Variants in VPS13B observed in about 807,000 individuals in gnomAD.
VPS13B encodes the protein vacuolar protein sorting 13 homolog B, also known as intermembrane lipid transfer protein VPS13B.
A neutral mutation model predicts 426.4 loss-of-function variants in VPS13B; 285 were observed. The ratio of observed to expected loss-of-function variants is 0.67; its 90% confidence interval spans 0.61 to 0.74. The LOEUF (loss-of-function observed/expected upper bound fraction) is 0.74, where lower values mean the gene tolerates loss of function less well. Ranked by LOEUF, VPS13B falls within the 30% of genes least tolerant of loss-of-function variation. The pLI, the probability that VPS13B is intolerant of heterozygous loss-of-function variation, is 0.00. For synonymous variants in VPS13B, 1,676 were observed against 1,676.4 expected (o/e 1.00, Z 0.01); for missense variants, 4,537 against 4,782.6 (o/e 0.95, Z 1.51).
intron 3 of VPS13B, among the ~76,000 whole-genome samples, chr8:99,046,490 AC>A (rs2132248321): frequency 6.6e-6 from 1 of 152,208 alleles, no homozygotes; most frequent in East Asian, 1.9e-4. Flanking sequence ...GATATCATCA[AC>A]AAACAGTGAC....
intron 19 of VPS13B, among the ~76,000 whole-genome samples, chr8:99,350,035 G>A (rs563334204): frequency 6.6e-6 from 1 of 152,178 alleles, no homozygotes; most frequent in East Asian, 1.9e-4. Context: ...AGATTATACA[G>A]TCAGAGGTTC....
At chr8:99,263,393 A>G (rs1377539184) in intron 17 of VPS13B, among the ~76,000 whole-genome samples, 1 of 152,208 alleles carries the variant, frequency 6.6e-6, no homozygotes, top group African/African-American at 2.4e-5. Context: ...ACAAATTACC[A>G]TAAACTTAGT....
intron 53 of VPS13B, 66 bp downstream of exon 53, chr8:99,835,390 A>C (rs1815336192): frequency 1.3e-6 from 2 of 1,552,092 alleles, no homozygotes; most frequent in Non-Finnish European, 1.8e-6. Flanking sequence ...TTTTTGATTT[A>C]GTAGTTACCT....
chr8:99,058,420 TAA>T (rs1844000349), intron 3 of VPS13B, among the ~76,000 whole-genome samples: 1 of 151,598 alleles, frequency 6.6e-6, no homozygotes, highest in African/African-American at 2.4e-5. Context: ...TATTTAAAAA[TAA>T]GTCATAAAAT....
intron 50 of VPS13B, among the ~76,000 whole-genome samples, chr8:99,823,311 C>T (rs1186754275): frequency 1.3e-5 from 2 of 152,180 alleles, no homozygotes; most frequent in African/African-American, 2.4e-5. Context: ...GTATACAGCA[C>T]TTGAAACTAG....
intron 30 of VPS13B, among the ~76,000 whole-genome samples, chr8:99,533,496 A>G (rs1004726289): frequency 2.6e-5 from 4 of 152,184 alleles, no homozygotes; most frequent in African/African-American, 9.6e-5. Flanking sequence ...TAATGTTCCC[A>G]ATATGAAGTA....
At chr8:99,780,009 T>A (rs1307774243) in intron 42 of VPS13B, among the ~76,000 whole-genome samples, 1 of 152,218 alleles carries the variant, frequency 6.6e-6, no homozygotes, top group East Asian at 1.9e-4. Context: ...TTTCTTTATA[T>A]GCATGAAGAC....
chr8:99,867,860 TAGAA>T (rs1256193328), intron 58 of VPS13B, among the ~76,000 whole-genome samples: 1 of 152,224 alleles, frequency 6.6e-6, no homozygotes, highest in African/African-American at 2.4e-5. Context: ...AGTGGAGAGT[TAGAA>T]AGGGGCTAAC....
At chr8:99,184,862 G>A (rs968157567) in intron 16 of VPS13B, among the ~76,000 whole-genome samples, 10 of 152,128 alleles carry the variant, frequency 6.6e-5, no homozygotes, top group African/African-American at 1.9e-4. Context: ...GCAGTGGCAC[G>A]CTCCTGTAAT....
chr8:99,397,016 T>C (rs1354243615), intron 21 of VPS13B, among the ~76,000 whole-genome samples: 2 of 152,066 alleles, frequency 1.3e-5, no homozygotes, highest in African/African-American at 2.4e-5. Context: ...ATATGAAAAA[T>C]CTTGAAATCT....
In VPS13B at chr8:99,457,176, C is replaced by T. The variant is rs535935492; in HGVS notation, c.3446-10238C>T. 4.6e-5 allele frequency among the ~76,000 whole-genome samples: 7 copies of T among 152,018 alleles called. No homozygotes were observed. The South Asian group carries it at 8.3e-4, about 18-fold the overall frequency. ...CCTCCTGAGTAGCCACGATCACAGG[C>T]GCCCACCAACATGCCCGGCTAACAT... On this transcript the variant is annotated intron_variant, in intron 23 of 61. Transcript: ENST00000357162.
At chr8:99,566,023 C>T (rs2133787087) in intron 31 of VPS13B, among the ~76,000 whole-genome samples, 1 of 152,172 alleles carries the variant, frequency 6.6e-6, no homozygotes, top group Middle Eastern at 3.4e-3. Flanking sequence ...TAAAAAGTTC[C>T]TGGAAAGTGA....
At chr8:99,115,580 A>T in intron 6 of VPS13B, 120 bp from the exon 7 acceptor site, 1 of 1,004,896 alleles carries the variant, frequency 1.0e-6, no homozygotes, top group Non-Finnish European at 1.5e-6. Context: ...TTTAAGTATT[A>T]AAATGTTTGG....
chr8:99,574,912 C>A (rs1401685246), intron 31 of VPS13B, among the ~76,000 whole-genome samples: 2 of 152,116 alleles, frequency 1.3e-5, no homozygotes, highest in African/African-American at 4.8e-5. Flanking sequence ...ACTTGTAATC[C>A]CAGCACTTTG....
chr8:99,719,364 G>A (rs1833046857), intron 37 of VPS13B, among the ~76,000 whole-genome samples: 1 of 152,156 alleles, frequency 6.6e-6, no homozygotes, highest in South Asian at 2.1e-4. Flanking sequence ...CTTTTCACCT[G>A]TCTCTATTTT....
At chr8:99,740,915 C>A (rs1422539410) in intron 39 of VPS13B, among the ~76,000 whole-genome samples, 1 of 152,116 alleles carries the variant, frequency 6.6e-6, no homozygotes, top group Non-Finnish European at 1.5e-5. Flanking sequence ...ACTGCATCAA[C>A]TAACAAGCAA....
chr8:99,100,063 C>G (rs1846646690), intron 4 of VPS13B, among the ~76,000 whole-genome samples: 1 of 152,106 alleles, frequency 6.6e-6, no homozygotes, highest in Non-Finnish European at 1.5e-5. Flanking sequence ...TTGACACTAT[C>G]TTGTACCTTG....
chr8:99,213,501 C>T (rs1323917979), intron 17 of VPS13B, among the ~76,000 whole-genome samples: 2 of 151,976 alleles, frequency 1.3e-5, no homozygotes, highest in African/African-American at 4.8e-5. Flanking sequence ...TTTTTAGATC[C>T]TTTTATATAA....
At chr8:99,800,365 A>G (rs1813060057) in intron 43 of VPS13B, among the ~76,000 whole-genome samples, 1 of 152,096 alleles carries the variant, frequency 6.6e-6, no homozygotes, top group Non-Finnish European at 1.5e-5. Context: ...ATTTATAGGG[A>G]AGCCTTTAGA....
Sources: gnomAD v4.1 joint callset for allele counts (sites outside exome capture counted in the v4.1 genomes callset) on GRCh38, gnomAD v4.1.1 for gene constraint, MANE v1.5 for transcripts, NCBI Gene and HGNC (gene_info 2026-07-23, HGNC 2026-07-21) for gene names.